The following WDPCP variants were observed in gnomAD, a reference collection of about 807,000 sequenced individuals.
The protein encoded by WDPCP is WD repeat containing planar cell polarity effector.
WDPCP carries 71 observed loss-of-function variants against 93.1 expected under a neutral mutation model. The ratio of observed to expected loss-of-function variants is 0.76; its 90% CI spans 0.63 to 0.93. WDPCP has a LOEUF of 0.93. Among genes scored for constraint, WDPCP ranks in the 40% least tolerant of loss-of-function variants. WDPCP has a pLI of 0.00. For synonymous variants in WDPCP, 315 were observed against 315.0 expected, an observed-to-expected ratio of 1.00 and a Z score of 0.00; for missense variants, 844 against 887.4, an observed-to-expected ratio of 0.95 and a Z score of 0.62.
At chr2:63,742,277 G>A (rs1669735636) in intron 2 of WDPCP, among the ~76,000 whole-genome samples, 1 of 151,878 alleles carries the variant, frequency 6.6e-6, no homozygotes, top group Admixed American at 6.6e-5. Context: ...AAGGAAGGAA[G>A]GGAGAGAGGG....
intron 10 of WDPCP, among the ~76,000 whole-genome samples, chr2:63,396,559 G>C (rs1364522950): frequency 6.6e-6 from 1 of 152,152 alleles, no homozygotes. Flanking sequence ...GTGAGCGTGA[G>C]AGCACACACC....
intron 12 of WDPCP, among the ~76,000 whole-genome samples, chr2:63,359,253 A>G (rs1253867126): frequency 6.6e-6 from 1 of 152,234 alleles, no homozygotes; most frequent in Non-Finnish European, 1.5e-5. Flanking sequence ...TTGTCTTGCA[A>G]TATTTCTCTC....
At chr2:63,217,396 T>C (rs1055120407) in intron 14 of WDPCP, among the ~76,000 whole-genome samples, 1 of 152,178 alleles carries the variant, frequency 6.6e-6, no homozygotes, top group Non-Finnish European at 1.5e-5. Context: ...AAAAATAAAT[T>C]GCCTACCTCT....
intron 12 of WDPCP, among the ~76,000 whole-genome samples, chr2:63,363,900 GCA>G (rs1043269260): frequency 6.6e-6 from 1 of 151,468 alleles, no homozygotes; most frequent in African/African-American, 2.4e-5. Flanking sequence ...TTTTTGCCAG[GCA>G]CAGTGTCCTG....
chr2:63,455,571 T>C (rs1021837552), intron 6 of WDPCP, among the ~76,000 whole-genome samples: 1 of 150,768 alleles, frequency 6.6e-6, no homozygotes, highest in African/African-American at 2.4e-5. Context: ...AGTAAAAAAA[T>C]AAAAATAAAA....
At chr2:63,765,182 G>A (rs906650188) in intron 2 of WDPCP, among the ~76,000 whole-genome samples, 7 of 152,174 alleles carry the variant, frequency 4.6e-5, no homozygotes, top group African/African-American at 7.2e-5. Flanking sequence ...ACTAGGCAAC[G>A]GCAGTGTTTA....
Position 63,353,204 on chromosome 2 carries a change from A to C in WDPCP, c.1748+25182T>G, listed in dbSNP as rs145599202. ...ACTCCACCGGGGCCTTCAGTCTGAC[A>C]GACAGAGCTACCTGGAGTCTCTGTA... On this transcript the variant is annotated intron_variant, in intron 12 of 17. Coordinates refer to ENST00000272321, the MANE Select transcript of WDPCP (RefSeq NM_015910.7). Among the ~76,000 whole-genome samples the C allele has an allele frequency of 1.7e-3, 258 of 152,314 alleles. 2 individuals are homozygous for C. Among genetic ancestry groups the C allele is most frequent in the African/African-American group, 5.8e-3 (241 of 41,586 alleles).
rs538368312 is a variant in WDPCP at position 63,761,462 on chromosome 2, T to C, written n.308+52160A>G. 3.6e-3 allele frequency among the ~76,000 whole-genome samples: 545 copies of C among 152,272 alleles called. 4 individuals are homozygous for C. The highest frequency in any genetic ancestry group is 0.012 in the African/African-American group (509 of 41,540). ...CCTGATATTCTTCCTTTTTCTAGCA[T>C]CATCCTAATACTATTATATATAATA... On this transcript the variant is annotated intron_variant and non_coding_transcript_variant, in intron 2 of 4. Transcript: ENST00000467687.
At chr2:63,702,550 G>A (rs1351803726) in intron 2 of WDPCP, among the ~76,000 whole-genome samples, 2 of 98,216 alleles carry the variant, frequency 2.0e-5, no homozygotes, top group African/African-American at 9.0e-5. Context: ...TTTTTTTTTT[G>A]GTGTAGGGGG....
intron 1 of WDPCP, among the ~76,000 whole-genome samples, chr2:63,526,830 C>T (rs1703372729): frequency 6.6e-6 from 1 of 152,174 alleles, no homozygotes; most frequent in African/African-American, 2.4e-5. Context: ...TATCCTAGTC[C>T]AGGATTACCT....
At chr2:63,548,639 T>C (rs1261184245) in intron 1 of WDPCP, among the ~76,000 whole-genome samples, 1 of 152,006 alleles carries the variant, frequency 6.6e-6, no homozygotes, top group East Asian at 1.9e-4. Flanking sequence ...TAAGGTACTT[T>C]GATCATAAAG....
chr2:63,155,149 T>A (rs1480413196), intron 15 of WDPCP, among the ~76,000 whole-genome samples: 1 of 152,200 alleles, frequency 6.6e-6, no homozygotes, highest in African/African-American at 2.4e-5. Flanking sequence ...AAGTTACCAA[T>A]TTTTTTAAAA....
intron 2 of WDPCP, among the ~76,000 whole-genome samples, chr2:63,753,085 A>G (rs1217501029): frequency 6.6e-6 from 1 of 152,132 alleles, no homozygotes; most frequent in Non-Finnish European, 1.5e-5. Flanking sequence ...CCTATCATGC[A>G]TAAAATATAT....
At chr2:63,416,140 A>G (rs1274959012) in intron 9 of WDPCP, among the ~76,000 whole-genome samples, 1 of 152,188 alleles carries the variant, frequency 6.6e-6, no homozygotes, top group Non-Finnish European at 1.5e-5. Context: ...ATCTGTTTAT[A>G]TAGAAGATAA....
At chr2:63,347,335 CAAT>C (rs921612067) in intron 12 of WDPCP, among the ~76,000 whole-genome samples, 1 of 152,094 alleles carries the variant, frequency 6.6e-6, no homozygotes, top group African/African-American at 2.4e-5. Context: ...ATATCTGATA[CAAT>C]ATTTGGGACA....
intron 2 of WDPCP, among the ~76,000 whole-genome samples, chr2:63,706,468 G>A (rs954752976): frequency 2.0e-5 from 3 of 152,062 alleles, no homozygotes; most frequent in African/African-American, 7.2e-5. Flanking sequence ...GCTTCCTTCA[G>A]GAGCTCTTTT....
chr2:63,155,785 CATT>C (rs1021372039), intron 15 of WDPCP, among the ~76,000 whole-genome samples: 56 of 152,282 alleles, frequency 3.7e-4, no homozygotes, highest in Non-Finnish European at 2.1e-4. Context: ...ATCCTTCCAA[CATT>C]ATTTTCCTTT....
intron 2 of WDPCP, among the ~76,000 whole-genome samples, chr2:63,808,232 T>C (rs1214448730): frequency 6.6e-6 from 1 of 152,132 alleles, no homozygotes; most frequent in Non-Finnish European, 1.5e-5. Flanking sequence ...TTTAAGTTGC[T>C]CAAATTATAA....
chr2:63,266,978 A>G (rs751519774), intron 13 of WDPCP, among the ~76,000 whole-genome samples: 3 of 152,120 alleles, frequency 2.0e-5, no homozygotes, highest in Admixed American at 6.6e-5. Context: ...AAAATAGAAA[A>G]AACAGTCCTA....
Sources: allele counts gnomAD v4.1 joint callset (sites outside exome capture counted in the v4.1 genomes callset), GRCh38; gene constraint gnomAD v4.1.1; transcripts MANE v1.5; gene names NCBI Gene and HGNC (gene_info 2026-07-23, HGNC 2026-07-21).